Variants in WWP2 observed in about 807,000 individuals in gnomAD.
WWP2 encodes WW domain containing E3 ubiquitin protein ligase 2.
A neutral mutation model predicts 121.0 loss-of-function variants in WWP2; 57 were observed. That is an observed-to-expected ratio of 0.47 (90% confidence interval 0.38 to 0.59). The LOEUF (loss-of-function observed/expected upper bound fraction) is 0.59. Among genes scored for constraint, WWP2 ranks in the 20% least tolerant of loss-of-function variants. The pLI, the probability that WWP2 is intolerant of heterozygous loss-of-function variation, is 0.00. For missense variants in WWP2, 962 were observed against 1,158.9 expected (o/e 0.83, Z 2.47); for synonymous variants, 449 against 441.3 (o/e 1.02, Z -0.22).
At chr16:69,880,011 G>A (rs2057798674) in intron 7 of WWP2, among the ~76,000 whole-genome samples, 1 of 151,164 alleles carries the variant, frequency 6.6e-6, no homozygotes, top group Admixed American at 6.6e-5. Flanking sequence ...TTTCTTTATG[G>A]CCACATTGGT....
At chr16:69,918,045 C>A (rs1479287974) in intron 10 of WWP2, among the ~76,000 whole-genome samples, 162 bp downstream of exon 10, 2 of 152,228 alleles carry the variant, frequency 1.3e-5, no homozygotes, top group Non-Finnish European at 2.9e-5. Context: ...TGAAATTCCT[C>A]AAATTCCAGT....
rs1314202819 is a variant in WWP2, at chr16:69,936,434, A to G, written c.2099A>G (p.Asn700Ser). 6.2e-7 allele frequency: 1 copy of G among 1,614,058 alleles called. No homozygotes were observed. Among genetic ancestry groups the G allele is most frequent in the Non-Finnish European group, 8.5e-7 (1 of 1,180,038 alleles). Residue 700 changes from asparagine (N) to serine (S), a missense_variant, in exon 19 of 24, where the codon AAC becomes AGC. Asn to Ser is a conservative substitution (Grantham distance 46). Coordinates refer to ENST00000359154, the MANE Select transcript of WWP2 (RefSeq NM_001270454.2). ...GAGAGCATCCGGGTCACAGAGGAGAACAAGGAAGAGTACATCATGTGAGTC... is the reference window on the plus strand; with the variant it reads ...GAGAGCATCCGGGTCACAGAGGAGAGCAAGGAAGAGTACATCATGTGAGTC... ...GGESIRVTEE[N>S]KEEYIMLLTD... is the part of the protein sequence containing the mutation.
chr16:69,824,106 C>T lies in WWP2; in HGVS notation c.341-16020C>T, dbSNP rs79538546. ...TCATCTGGTGTTTGGGCCTCTGCTC[C>T]GCACCAGTCATTCGGGCGGCTTCCG... is the stretch of plus-strand genomic sequence containing the variant. On this transcript the variant is annotated intron_variant, in intron 4 of 23. Transcript: ENST00000359154. Among the ~76,000 whole-genome samples the T allele has an allele frequency of 3.3e-3, 505 of 152,340 alleles. 7 individuals are homozygous for T. The highest frequency in any genetic ancestry group is 0.011 in the African/African-American group (446 of 41,582).
In WWP2 at chr16:69,940,195, C is replaced by G; in HGVS notation, c.*255C>G. ...CCTTTGCAAAGTTCCAGAGGGCTGA[C>G]CCTCTCTGCAAAACTCTCCCCTGTC... On this transcript the variant is annotated 3_prime_UTR_variant, in exon 24 of 24. Coordinates refer to ENST00000359154, the MANE Select transcript of WWP2 (RefSeq NM_001270454.2). The G allele has an allele frequency of 1.9e-6, 1 of 527,688 alleles. No individual in the cohort carries two copies. The highest frequency in any genetic ancestry group is 3.4e-6 in the Non-Finnish European group (1 of 295,872). 32.7% of individuals were successfully genotyped at this position (527,688 alleles called of 1,614,324 possible).
rs2058816979 is a variant in WWP2 at position 69,937,488 on chromosome 16, G to C, written c.2239-60G>C. 1.9e-6 allele frequency: 3 copies of C among 1,563,948 alleles called. No individual in the cohort carries two copies. The highest frequency in any genetic ancestry group is 2.6e-6 in the Non-Finnish European group (3 of 1,135,990). ...ATGTTTGGGGTAATGTCAAGTGCTA[G>C]CGAGTGGACGATGCGCGGGGAGGGA... On this transcript the variant is annotated intron_variant, in intron 20 of 23. Coordinates refer to ENST00000359154, the MANE Select transcript of WWP2 (RefSeq NM_001270454.2). The surrounding 1 kb of genome is among the most constrained non-coding windows in gnomAD (Gnocchi z 6.6).
chr16:69,890,247 C>T (rs558137727), intron 8 of WWP2, among the ~76,000 whole-genome samples: 2 of 151,856 alleles, frequency 1.3e-5, no homozygotes, highest in South Asian at 2.1e-4. Flanking sequence ...ACCTTTACTA[C>T]GTACGTATTG....
Position 69,940,907 on chromosome 16 carries a change from G to A in WWP2, c.*967G>A, listed in dbSNP as rs1210704762. On this transcript the variant is annotated 3_prime_UTR_variant, in exon 24 of 24. Transcript: ENST00000359154. ...ACTCCTAGCCTTGCCGCCTTCAATA[G>A]AGAAGAAATCCCTTTGCTAGATAGG... 6.5e-6 allele frequency: 1 copy of A among 153,756 alleles called. No individual in the cohort carries two copies. Among genetic ancestry groups the A allele is most frequent in the Non-Finnish European group, 1.5e-5 (1 of 68,048 alleles). The allele number at this position is 153,756 out of a possible 1,614,324, so 9.5% of individuals were successfully genotyped here.
rs13329812 is a variant in WWP2 at position 69,888,127 on chromosome 16, C to G, written c.792C>G (p.Thr264=). ...CACCTGCTGCACCCTTGAGTGTGAC[C>G]CCGAATCCCAACACGACTTCTCTCC... ...TSPPAAPLSV[T]PNPNTTSLPA... The change falls in exon 8 of 24, where the codon ACC becomes ACG. Residue 264 remains threonine, a synonymous_variant. Transcript: ENST00000359154. The G allele has an allele frequency of 4.2e-4, 674 of 1,614,162 alleles. 3 individuals are homozygous for G. The African/African-American group carries it at 6.8e-3, about 16-fold the overall frequency.
At chr16:69,905,136 C>G (rs561793797) in intron 8 of WWP2, among the ~76,000 whole-genome samples, 1 of 152,220 alleles carries the variant, frequency 6.6e-6, no homozygotes, top group South Asian at 2.1e-4. Flanking sequence ...AAAGACTTGC[C>G]GCTCACACTG....
intron 4 of WWP2, among the ~76,000 whole-genome samples, chr16:69,828,989 A>C (rs1021721085): frequency 3.3e-5 from 5 of 152,046 alleles, no homozygotes; most frequent in Non-Finnish European, 7.4e-5. Context: ...CAACATGTGC[A>C]AGTCACCTCC....
intron 8 of WWP2, among the ~76,000 whole-genome samples, chr16:69,903,531 G>A (rs1183974939): frequency 6.6e-6 from 1 of 152,136 alleles, no homozygotes; most frequent in East Asian, 1.9e-4. Context: ...CACTTTGGGA[G>A]GCCGAGGAGG....
intron 8 of WWP2, among the ~76,000 whole-genome samples, chr16:69,901,519 TCTC>T (rs1441731852): frequency 2.0e-4 from 31 of 152,170 alleles, no homozygotes; most frequent in African/African-American, 6.7e-4. Flanking sequence ...TTCATGCCAT[TCTC>T]CTGCTTCAGC....
intron 1 of WWP2, among the ~76,000 whole-genome samples, chr16:69,778,363 C>T (rs2055586325): frequency 6.6e-6 from 1 of 151,986 alleles, no homozygotes; most frequent in Non-Finnish European, 1.5e-5. Context: ...TCTCCCTCTT[C>T]CAGCAAAGCT....
At chr16:69,929,602 T>C in intron 12 of WWP2, 73 bp downstream of exon 12, 1 of 1,377,430 alleles carries the variant, frequency 7.3e-7, no homozygotes, top group Non-Finnish European at 1.0e-6. Context: ...GGCAGGTGGC[T>C]TTGGACTGCA....
intron 8 of WWP2, among the ~76,000 whole-genome samples, chr16:69,901,473 C>T (rs1244733940): frequency 7.9e-5 from 12 of 152,086 alleles, no homozygotes; most frequent in East Asian, 3.9e-4. Flanking sequence ...GGTGCAGTGG[C>T]GCGATCTCAG....
At chr16:69,846,048 T>TGAAAAAAAAAAAAAAAAAAAAAAAAA (rs1567700143) in intron 6 of WWP2, among the ~76,000 whole-genome samples, 1 of 1,734 alleles carries the variant, frequency 5.8e-4, no homozygotes, top group African/African-American at 2.2e-3. Flanking sequence ...AGACTCCATC[T>TGAAAAAAAAAAAAAAAAAAAAAAAAA]CAAAAAAAAA....
At chr16:69,832,194 A>G (rs909571425) in intron 4 of WWP2, among the ~76,000 whole-genome samples, 8 of 152,130 alleles carry the variant, frequency 5.3e-5, no homozygotes, top group Non-Finnish European at 1.2e-4. Context: ...TACTAGAACA[A>G]AAACTGTTAT....
At chr16:69,864,212 G>T (rs904754063) in intron 6 of WWP2, among the ~76,000 whole-genome samples, 1 of 151,988 alleles carries the variant, frequency 6.6e-6, no homozygotes, top group Non-Finnish European at 1.5e-5. Flanking sequence ...TACCAAAAAT[G>T]CAAAAATGAG....
intron 4 of WWP2, among the ~76,000 whole-genome samples, chr16:69,816,543 TAAA>T (rs975021469): frequency 3.0e-4 from 45 of 150,236 alleles, no homozygotes; most frequent in African/African-American, 1.0e-3. Context: ...AAATAAAAAG[TAAA>T]AAAAGCAATA....
Sources: gnomAD v4.1 joint callset for allele counts (sites outside exome capture counted in the v4.1 genomes callset) on GRCh38, gnomAD v4.1.1 for gene constraint, Gnocchi (gnomAD v3.1) non-coding constraint, MANE v1.5 for transcripts, NCBI Gene and HGNC (gene_info 2026-07-23, HGNC 2026-07-21) for gene names.